PCCA: variants seen among roughly 807,000 people sequenced by gnomAD.
PCCA encodes the protein propionyl-CoA carboxylase subunit alpha.
PCCA carries 74 observed loss-of-function variants against 101.3 expected under a neutral mutation model. The ratio of observed to expected loss-of-function variants is 0.73; its 90% CI spans 0.61 to 0.89. PCCA has a LOEUF of 0.89. PCCA is among the 40% of genes least tolerant of loss of function. The pLI is 0.00. For missense variants in PCCA, 891 were observed against 907.0 expected (o/e 0.98, Z 0.23); for synonymous variants, 294 against 313.6 (o/e 0.94, Z 0.66).
Position 100,262,741 on chromosome 13 carries a change from A to T in PCCA, c.729A>T (p.Arg243Ser), listed in dbSNP as rs1246978168. The change falls in exon 10 of 24, where the codon AGA (arginine) becomes AGT (serine). Residue 243 changes from arginine (R) to serine (S), a missense_variant. Physicochemically the swap from Arg to Ser is moderately radical, Grantham distance 110. Transcript: ENST00000376285. ...CTTTTTTTCACAGGGATGGTTTTAG[A>T]TTGTCATCTCAAGAAGCTGCTTCTA... ...WDDEETRDGF[R>S]LSSQEAASSF... 2 of 1,474,262 alleles carry T rather than the reference A, an allele frequency of 1.4e-6. No homozygotes were observed. The highest frequency in any genetic ancestry group is 3.0e-5 in the African/African-American group (2 of 66,194). The allele number at this position is 1,474,262 out of a possible 1,614,324, so 91.3% of individuals were successfully genotyped here.
chr13:100,232,913 T>C (rs982173052), intron 7 of PCCA, among the ~76,000 whole-genome samples: 4 of 152,254 alleles, frequency 2.6e-5, no homozygotes, highest in African/African-American at 7.2e-5. Flanking sequence ...CAGATAGTTA[T>C]TGAATTAATG....
intron 21 of PCCA, among the ~76,000 whole-genome samples, chr13:100,451,745 C>CCCTCTCTGTCCT (rs2081266201): frequency 9.6e-6 from 1 of 104,190 alleles, no homozygotes; most frequent in Non-Finnish European, 1.9e-5. Flanking sequence ...TCTCTTCTCT[C>CCCTCTCTGTCCT]CTTCCTCTCC....
chr13:100,293,586 A>G (rs191268977), intron 12 of PCCA, among the ~76,000 whole-genome samples: 77 of 152,324 alleles, frequency 5.1e-4, no homozygotes, highest in African/African-American at 1.8e-3. Flanking sequence ...TTATTGGGAA[A>G]AGGATTTCTA....
intron 19 of PCCA, among the ~76,000 whole-genome samples, chr13:100,422,065 T>TTCTC (rs1555453990): frequency 5.1e-5 from 3 of 59,344 alleles, no homozygotes; most frequent in Non-Finnish European, 1.1e-4. Context: ...TTCTCTTCTC[T>TTCTC]TTTCTTTTCT....
chr13:100,446,632 C>T (rs1030136055), intron 20 of PCCA, among the ~76,000 whole-genome samples: 1 of 152,082 alleles, frequency 6.6e-6, no homozygotes, highest in African/African-American at 2.4e-5. Context: ...AGGAATCAAC[C>T]CTCCGTTCTT....
chr13:100,405,011 G>A (rs1006933609), intron 19 of PCCA, among the ~76,000 whole-genome samples: 2 of 152,138 alleles, frequency 1.3e-5, no homozygotes, highest in Non-Finnish European at 1.5e-5. Flanking sequence ...AATGTGTCTC[G>A]AGGGGAGTTG....
At chr13:100,312,600 A>G (rs1158498421) in intron 16 of PCCA, among the ~76,000 whole-genome samples, 1 of 152,230 alleles carries the variant, frequency 6.6e-6, no homozygotes, top group African/African-American at 2.4e-5. Flanking sequence ...CTATAGAGTT[A>G]AAAAACTGAA....
At chr13:100,390,175 T>C (rs897578252) in intron 19 of PCCA, among the ~76,000 whole-genome samples, 1 of 152,234 alleles carries the variant, frequency 6.6e-6, no homozygotes, top group Non-Finnish European at 1.5e-5. Context: ...TTCTAAGTGA[T>C]CCACATGCAA....
intron 14 of PCCA, among the ~76,000 whole-genome samples, chr13:100,306,061 A>G (rs764034191): frequency 1.3e-5 from 2 of 152,214 alleles, no homozygotes; most frequent in East Asian, 1.9e-4. Context: ...TAATAAAGCC[A>G]TCATTATACC....
intron 12 of PCCA, among the ~76,000 whole-genome samples, chr13:100,277,188 G>A (rs1057130015): frequency 4.6e-5 from 7 of 152,098 alleles, no homozygotes; most frequent in African/African-American, 1.4e-4. Flanking sequence ...TTATCTTGAG[G>A]TTGCATTCCT....
chr13:100,396,089 AAT>A (rs1383833398), intron 19 of PCCA, among the ~76,000 whole-genome samples: 1 of 152,216 alleles, frequency 6.6e-6, no homozygotes, highest in African/African-American at 2.4e-5. Context: ...TGCTGAAAAC[AAT>A]AGTCTCTGAA....
chr13:100,525,042 CAGATA>C (rs1173337656), intron 22 of PCCA, among the ~76,000 whole-genome samples: 3 of 148,780 alleles, frequency 2.0e-5, no homozygotes, highest in African/African-American at 4.9e-5. Context: ...GACAGACAGG[CAGATA>C]AGATAGATAG....
At chr13:100,144,575 A>G (rs1164212610) in intron 4 of PCCA, among the ~76,000 whole-genome samples, 1 of 152,220 alleles carries the variant, frequency 6.6e-6, no homozygotes, top group Non-Finnish European at 1.5e-5. Flanking sequence ...TTAATTGTAG[A>G]AAACTATGTT....
At chr13:100,476,106 T>C (rs2083403756) in intron 21 of PCCA, among the ~76,000 whole-genome samples, 1 of 152,216 alleles carries the variant, frequency 6.6e-6, no homozygotes, top group Non-Finnish European at 1.5e-5. Context: ...TCTCTCTCTT[T>C]TTAATGGTAT....
intron 21 of PCCA, among the ~76,000 whole-genome samples, chr13:100,452,593 G>A (rs539317801): frequency 3.1e-4 from 47 of 152,172 alleles, no homozygotes; most frequent in African/African-American, 1.1e-3. Flanking sequence ...TGGTCACGCC[G>A]CTTACAGTTC....
At chr13:100,098,027 A>T (rs1310277110) in intron 1 of PCCA, among the ~76,000 whole-genome samples, 1 of 151,890 alleles carries the variant, frequency 6.6e-6, no homozygotes, top group African/African-American at 2.4e-5. Flanking sequence ...CTGTCTCAAA[A>T]AAAAAAAGTA....
chr13:100,318,745 G>A (rs1390366620), intron 16 of PCCA, among the ~76,000 whole-genome samples: 1 of 152,058 alleles, frequency 6.6e-6, no homozygotes, highest in East Asian at 1.9e-4. Flanking sequence ...TGGACATTTG[G>A]GTTGGTTCCA....
intron 6 of PCCA, among the ~76,000 whole-genome samples, chr13:100,188,453 G>A (rs987924200): frequency 4.0e-5 from 6 of 151,746 alleles, no homozygotes; most frequent in East Asian, 3.9e-4. Flanking sequence ...TTATCTACTC[G>A]TCAATTGATG....
chr13:100,386,159 A>C (rs1245509292), intron 19 of PCCA, among the ~76,000 whole-genome samples: 1 of 152,186 alleles, frequency 6.6e-6, no homozygotes, highest in Non-Finnish European at 1.5e-5. Context: ...AGTTCATAGT[A>C]ATTTCATTTG....
Sources: allele counts gnomAD v4.1 joint callset (sites outside exome capture counted in the v4.1 genomes callset), GRCh38; gene constraint gnomAD v4.1.1; transcripts MANE v1.5; gene names NCBI Gene and HGNC (gene_info 2026-07-23, HGNC 2026-07-21).